Variants in CWF19L2 observed in about 807,000 individuals in gnomAD.
CWF19L2 encodes CWF19 like cell cycle control factor 2, also known as CWF19-like protein 2.
Under a neutral mutation model 111.7 loss-of-function variants are expected in CWF19L2, and 98 were observed. That is an observed-to-expected ratio of 0.88 (90% CI 0.75 to 1.04). The LOEUF (loss-of-function observed/expected upper bound fraction) is 1.04, where lower values mean the gene tolerates loss of function less well. Among genes scored for constraint, CWF19L2 ranks in the 50% least tolerant of loss-of-function variants. The probability of loss-of-function intolerance (pLI) is 0.00; values close to 1 mark genes in which losing one functional copy is unlikely to be tolerated. For synonymous variants in CWF19L2, 351 were observed against 342.9 expected (o/e 1.02, Z -0.26); for missense variants, 1,101 against 1,051.4 (o/e 1.05, Z -0.65).
At position 107,415,701 on chromosome 11, in the gene CWF19L2, C is replaced by T. The variant is rs10160608; in HGVS notation, c.1617+508G>A. On this transcript the variant is annotated intron_variant, in intron 10 of 17. Transcript: ENST00000282251. ...CGAGGCTTTTTTCCACCAGAGCACA[C>T]TGATAGAATGTAAGAGAATATATAG... 4.3e-3 allele frequency among the ~76,000 whole-genome samples: 657 copies of T among 152,270 alleles called. 3 individuals carry two copies. Among genetic ancestry groups the T allele is most frequent in the African/African-American group, 0.014 (584 of 41,542 alleles).
chr11:107,449,337 A>G (rs1861746977), intron 3 of CWF19L2, among the ~76,000 whole-genome samples: 1 of 152,088 alleles, frequency 6.6e-6, no homozygotes, highest in African/African-American at 2.4e-5. Flanking sequence ...ATGTTAATGA[A>G]AGTTCTACAG....
At chr11:107,456,363 C>T (rs1861855274) in intron 1 of CWF19L2, among the ~76,000 whole-genome samples, 1 of 152,150 alleles carries the variant, frequency 6.6e-6, no homozygotes, top group Non-Finnish European at 1.5e-5. Context: ...AAATTCTATG[C>T]ATATCTCTAC....
intron 16 of CWF19L2, among the ~76,000 whole-genome samples, chr11:107,333,148 G>T (rs2134520898): frequency 6.6e-6 from 1 of 151,574 alleles, no homozygotes; most frequent in South Asian, 2.1e-4. Flanking sequence ...TTCATTGACT[G>T]TAACCCTCAG....
intron 12 of CWF19L2, among the ~76,000 whole-genome samples, chr11:107,362,153 C>T (rs1302203391): frequency 1.3e-5 from 2 of 152,148 alleles, no homozygotes; most frequent in African/African-American, 2.4e-5. Flanking sequence ...TTATATCCCG[C>T]ACCTGGCTCG....
Position 107,334,904 on chromosome 11 carries a change from A to C in CWF19L2, c.2416T>G (p.Ser806Ala), listed in dbSNP as rs1440903063. Residue 806 changes from serine (S) to alanine (A), a missense_variant, in exon 16 of 18, where the codon TCT becomes GCT. By Grantham distance (99) the Ser-to-Ala change is moderately conservative. Coordinates refer to ENST00000282251, the MANE Select transcript of CWF19L2 (RefSeq NM_152434.3). ...WSMNKKLIDLSSKDIRKSVPR... is the reference protein window; with the variant it reads ...WSMNKKLIDLASKDIRKSVPR... ...ACAGACTTTCTGATATCTTTTGAAG[A>C]GAGATCTATCAACTTCTTGTTCATG... 1 of 1,602,824 alleles carries C rather than the reference A, an allele frequency of 6.2e-7. No individual in the cohort carries two copies.
At chr11:107,368,545 G>T (rs1860465662) in intron 12 of CWF19L2, among the ~76,000 whole-genome samples, 1 of 137,886 alleles carries the variant, frequency 7.3e-6, no homozygotes, top group East Asian at 2.1e-4. Flanking sequence ...CAGAAGAGAA[G>T]AAAGATATAA....
At chr11:107,396,871 C>T (rs1267248663) in intron 10 of CWF19L2, among the ~76,000 whole-genome samples, 4 of 152,192 alleles carry the variant, frequency 2.6e-5, no homozygotes, top group African/African-American at 9.6e-5. Flanking sequence ...GAAGTGGGAA[C>T]ACACTTCCTC....
rs561032344 is a variant in CWF19L2, at chr11:107,427,221, G to A, written c.1433+1578C>T. Among the ~76,000 whole-genome samples the A allele has an allele frequency of 3.9e-4, 23 of 58,910 alleles. No homozygotes were observed. In the East Asian group the frequency reaches 0.011, roughly 27 times the overall value. 38.6% of individuals were successfully genotyped at this position (58,910 alleles called of 152,430 possible). A position where few individuals can be genotyped will look rare whatever the true frequency, so the allele number is the denominator to read the frequency against. ...CTTTACAACCACTCTACATTCTCAG[G>A]AATCTTTTTTTTTGGATGATTCCTA... On this transcript the variant is annotated intron_variant, in intron 8 of 17. Coordinates refer to ENST00000282251, the MANE Select transcript of CWF19L2 (RefSeq NM_152434.3).
In CWF19L2 at chr11:107,442,926, G is replaced by A. The variant is rs748140170; in HGVS notation, c.450+13C>T. On this transcript the variant is annotated intron_variant, in intron 4 of 17. Transcript: ENST00000282251. ...GAAGAAAGCAAGGAAGGAAAATCAA[G>A]TGGCTTGCTTACCTTGATAATTTGG... 2 of 1,477,938 alleles carry A rather than the reference G, an allele frequency of 1.4e-6. No individual in the cohort carries two copies. The highest frequency in any genetic ancestry group is 2.4e-5 in the South Asian group (2 of 82,326). 91.6% of individuals were successfully genotyped at this position (1,477,938 alleles called of 1,614,324 possible).
intron 10 of CWF19L2, among the ~76,000 whole-genome samples, chr11:107,397,523 C>T (rs1314151964): frequency 2.0e-5 from 3 of 152,072 alleles, no homozygotes; most frequent in African/African-American, 4.8e-5. Context: ...GACGCGCCCA[C>T]GGAGAGTCTG....
At position 107,385,145 on chromosome 11, in the gene CWF19L2, C is replaced by T. The variant is rs184533812; in HGVS notation, c.1872+4929G>A. On this transcript the variant is annotated intron_variant, in intron 12 of 17. Coordinates refer to ENST00000282251, the MANE Select transcript of CWF19L2 (RefSeq NM_152434.3). ...AATTTTTAGCAGAGCTGATTTTAAT[C>T]ATTAAACATACAAAACAAATTGCTA... Among the ~76,000 whole-genome samples the T allele has an allele frequency of 2.6e-4, 39 of 152,064 alleles. No individual in the cohort carries two copies. In the East Asian group the frequency reaches 5.4e-3, roughly 21 times the overall value.
rs1362812590 is a variant in CWF19L2, at chr11:107,416,584, A to G, written c.1528-286T>C. On this transcript the variant is annotated intron_variant, in intron 9 of 17. Transcript: ENST00000282251. ...AATACATAACCTTAATGACATTTTA[A>G]TAATTACTAAATATTACAAAAGTTC... Among the ~76,000 whole-genome samples the G allele has an allele frequency of 4.6e-5, 7 of 152,342 alleles. No individual in the cohort carries two copies. The East Asian group carries it at 1.3e-3, about 29-fold the overall frequency.
chr11:107,449,639 T>C (rs914737806), intron 3 of CWF19L2, among the ~76,000 whole-genome samples: 3 of 147,210 alleles, frequency 2.0e-5, no homozygotes, highest in African/African-American at 7.5e-5. Context: ...TAAAATTATA[T>C]ATTATTTGAG....
At chr11:107,393,423 A>C (rs1049804469) in intron 10 of CWF19L2, among the ~76,000 whole-genome samples, 1 of 152,192 alleles carries the variant, frequency 6.6e-6, no homozygotes, top group Non-Finnish European at 1.5e-5. Flanking sequence ...TTTTTCTTAC[A>C]AACTTTTGGC....
chr11:107,454,356 T>C (rs1276847641), intron 3 of CWF19L2, 94 bp downstream of exon 3: 2 of 995,486 alleles, frequency 2.0e-6, no homozygotes, highest in African/African-American at 3.4e-5. Flanking sequence ...TAATATATTT[T>C]TTACGTTTTC....
intron 9 of CWF19L2, among the ~76,000 whole-genome samples, chr11:107,416,516 A>G (rs962647710): frequency 1.3e-5 from 2 of 152,204 alleles, no homozygotes; most frequent in Non-Finnish European, 2.9e-5. Flanking sequence ...TTCAAAGATA[A>G]ATAATTATAA....
chr11:107,411,451 CTTT>C (rs1861156357), intron 10 of CWF19L2, among the ~76,000 whole-genome samples: 1 of 151,990 alleles, frequency 6.6e-6, no homozygotes, highest in South Asian at 2.1e-4. Flanking sequence ...TTCATTATAA[CTTT>C]TTAAGAATGT....
chr11:107,430,586 G>A (rs919558624), intron 7 of CWF19L2, among the ~76,000 whole-genome samples: 7 of 152,030 alleles, frequency 4.6e-5, no homozygotes, highest in African/African-American at 1.4e-4. Context: ...AAGAACAGAT[G>A]CTAAAAACCA....
intron 7 of CWF19L2, 42 bp downstream of exon 7, chr11:107,433,591 TA>T: frequency 1.1e-6 from 1 of 898,022 alleles, no homozygotes; most frequent in Non-Finnish European, 1.6e-6. Flanking sequence ...ATTTTTCACC[TA>T]ATTCTGAAAA....
Sources: allele counts gnomAD v4.1 joint callset (sites outside exome capture counted in the v4.1 genomes callset), GRCh38; gene constraint gnomAD v4.1.1; transcripts MANE v1.5; gene names NCBI Gene and HGNC (gene_info 2026-07-23, HGNC 2026-07-21).